Variants in PDZD2 observed in about 807,000 individuals in gnomAD.
PDZD2 encodes the protein PDZ domain containing 2.
A neutral mutation model predicts 220.7 loss-of-function variants in PDZD2; 90 were observed. That is an observed-to-expected ratio of 0.41 (90% CI 0.34 to 0.49). The LOEUF (loss-of-function observed/expected upper bound fraction) is 0.49, where lower values mean the gene tolerates loss of function less well. Among genes scored for constraint, PDZD2 ranks in the 20% least tolerant of loss-of-function variants. PDZD2 has a pLI of 0.28. For missense variants in PDZD2, 3,174 were observed against 3,608.5 expected (o/e 0.88, Z 3.08); for synonymous variants, 1,375 against 1,450.5 (o/e 0.95, Z 1.18).
At chr5:31,640,968 C>T (rs928285501) in intron 1 of PDZD2, among the ~76,000 whole-genome samples, 1 of 152,126 alleles carries the variant, frequency 6.6e-6, no homozygotes, top group African/African-American at 2.4e-5. Context: ...TAATATGCTC[C>T]TGGAAAAATA....
chr5:31,873,741 T>TTTA (rs1418539646), intron 2 of PDZD2, among the ~76,000 whole-genome samples: 1 of 149,062 alleles, frequency 6.7e-6, no homozygotes, highest in Non-Finnish European at 1.5e-5. Flanking sequence ...TCTTGAGTCT[T>TTTA]TTTTTTTTGA....
intron 2 of PDZD2, among the ~76,000 whole-genome samples, chr5:31,922,190 G>A (rs770183698): frequency 8.5e-5 from 13 of 152,150 alleles, no homozygotes; most frequent in Non-Finnish European, 1.6e-4. Context: ...CCAATGTTTC[G>A]GAAAGCTGTG....
At chr5:32,026,838 T>C (rs1009925555) in intron 6 of PDZD2, among the ~76,000 whole-genome samples, 6 of 152,232 alleles carry the variant, frequency 3.9e-5, no homozygotes, top group Non-Finnish European at 5.9e-5. Flanking sequence ...TGTACTAAGG[T>C]TGAACACATG....
At chr5:31,959,835 C>A (rs1166274721) in intron 2 of PDZD2, among the ~76,000 whole-genome samples, 1 of 152,080 alleles carries the variant, frequency 6.6e-6, no homozygotes, top group Non-Finnish European at 1.5e-5. Context: ...AGGTTGGTTC[C>A]TTATGGAGGC....
intron 1 of PDZD2, among the ~76,000 whole-genome samples, chr5:31,657,913 G>C (rs1745613153): frequency 6.6e-6 from 1 of 152,154 alleles, no homozygotes; most frequent in Non-Finnish European, 1.5e-5. Context: ...ACTCTTTCCA[G>C]CCCATACCCC....
chr5:31,978,789 T>C (rs1469695626), intron 2 of PDZD2, among the ~76,000 whole-genome samples: 1 of 151,908 alleles, frequency 6.6e-6, no homozygotes, highest in East Asian at 1.9e-4. Context: ...GCATCCGTAA[T>C]TCATTCATTG....
At chr5:31,821,430 A>G (rs10036843) in intron 2 of PDZD2, among the ~76,000 whole-genome samples, 87,768 of 151,014 alleles carry the variant, frequency 0.58, 25,782 homozygotes, top group Non-Finnish European at 0.61. Flanking sequence ...CGCAAGGCTG[A>G]AGTGCAATGG....
At chr5:31,819,831 C>A (rs1436591850) in intron 2 of PDZD2, among the ~76,000 whole-genome samples, 1 of 152,018 alleles carries the variant, frequency 6.6e-6, no homozygotes, top group African/African-American at 2.4e-5. Context: ...TAGTTTGTAT[C>A]CCCAGTGACA....
At position 32,088,769 on chromosome 5, in the gene PDZD2, A is replaced by T. The variant is rs144348519; in HGVS notation, c.5321A>T (p.Asn1774Ile). 3.1e-3 allele frequency: 5,031 copies of T among 1,613,318 alleles called. 9 individuals are homozygous for T. Among genetic ancestry groups the T allele is most frequent in the Non-Finnish European group, 4.1e-3 (4,790 of 1,179,762 alleles). The change falls in exon 20 of 25, where the codon AAC becomes ATC. Residue 1774 changes from asparagine (N) to isoleucine (I), a missense_variant. This residue lies in a region of PDZD2 where 1,861 missense variants were observed against 2,001.0 expected (regional missense o/e 0.93). Coordinates refer to ENST00000438447, the MANE Select transcript of PDZD2 (RefSeq NM_178140.4). The surrounding 1 kb of genome is among the most constrained non-coding windows in gnomAD (Gnocchi z 4.6). ...VPKNGESVLE[N>I]LHISESQDLD... ...AAGAATGGAGAATCTGTTTTGGAAA[A>T]CCTCCACATCTCTGAAAGTCAAGAC...
chr5:32,035,429 T>C (rs779531672), intron 6 of PDZD2, among the ~76,000 whole-genome samples: 2 of 152,042 alleles, frequency 1.3e-5, no homozygotes, highest in Non-Finnish European at 2.9e-5. Context: ...CCCAGCTAGT[T>C]TTTGTATTTT....
intron 1 of PDZD2, among the ~76,000 whole-genome samples, chr5:31,644,856 T>C (rs1455664806): frequency 1.3e-5 from 2 of 152,198 alleles, no homozygotes; most frequent in East Asian, 3.8e-4. Flanking sequence ...AAAGTTATTC[T>C]TGGATTATAT....
At position 32,055,445 on chromosome 5, in the gene PDZD2, C is replaced by T. The variant is rs571709661; in HGVS notation, c.1900+1562C>T. Among the ~76,000 whole-genome samples the T allele has an allele frequency of 3.6e-3, 550 of 152,276 alleles. 2 individuals carry two copies. The highest frequency in any genetic ancestry group is 6.8e-3 in the Middle Eastern group (2 of 294). Reference sequence around the variant, plus strand: ...CTCCTGGCCTCAAGTGAATGTCCCACCTCTGCCTCCCAAAGTGCTAGGATT... The same window carrying T: ...CTCCTGGCCTCAAGTGAATGTCCCATCTCTGCCTCCCAAAGTGCTAGGATT... On this transcript the variant is annotated intron_variant, in intron 10 of 24. Transcript: ENST00000438447.
At chr5:31,896,516 ACTG>A (rs1322490614) in intron 2 of PDZD2, among the ~76,000 whole-genome samples, 1 of 152,082 alleles carries the variant, frequency 6.6e-6, no homozygotes, top group African/African-American at 2.4e-5. Context: ...AGTTTAGTGA[ACTG>A]CTGCTATGTG....
chr5:32,078,888 T>C (rs545405734), intron 19 of PDZD2, among the ~76,000 whole-genome samples: 1 of 152,074 alleles, frequency 6.6e-6, no homozygotes, highest in African/African-American at 2.4e-5. Context: ...CAAAATAATA[T>C]TGTAAAACAT....
In PDZD2 at chr5:31,639,929, C is replaced by T. The variant is rs1191141634; in HGVS notation, c.-361+492C>T. ...CTTTGCCCAGATGAGACGTTAGACG[C>T]GGGGCGAGGGAATGCAGGGGGCGCG... On this transcript the variant is annotated intron_variant, in intron 1 of 24. Coordinates refer to ENST00000438447, the MANE Select transcript of PDZD2 (RefSeq NM_178140.4). The surrounding 1 kb of genome is among the most constrained non-coding windows in gnomAD (Gnocchi z 4.1). Among the ~76,000 whole-genome samples the T allele has an allele frequency of 5.9e-5, 9 of 152,076 alleles. No homozygotes were observed. The highest frequency in any genetic ancestry group is 1.5e-5 in the Non-Finnish European group (1 of 67,992).
At chr5:31,751,228 C>T (rs139595982) in intron 1 of PDZD2, among the ~76,000 whole-genome samples, 1,815 of 126,952 alleles carry the variant, frequency 0.014, 36 homozygotes, top group African/African-American at 0.047. Context: ...GTGACAAGAG[C>T]GAAAGTACAT....
chr5:32,071,485 A>G, intron 16 of PDZD2, 67 bp downstream of exon 16: 1 of 1,292,814 alleles, frequency 7.7e-7, no homozygotes, highest in South Asian at 1.2e-5. Flanking sequence ...GGAGCCCACA[A>G]GTCAAGCCGG....
intron 1 of PDZD2, among the ~76,000 whole-genome samples, chr5:31,663,070 A>G (rs926856902): frequency 1.3e-5 from 2 of 152,204 alleles, no homozygotes; most frequent in Admixed American, 6.5e-5. Flanking sequence ...GCCCCTCACT[A>G]CTAAAGATCC....
intron 1 of PDZD2, among the ~76,000 whole-genome samples, chr5:31,718,505 G>A (rs561906621): frequency 3.3e-5 from 5 of 152,176 alleles, no homozygotes; most frequent in Non-Finnish European, 7.3e-5. Context: ...CTGGAGGTTG[G>A]AAGTCCAAGA....
Sources: gnomAD v4.1 joint callset for allele counts (sites outside exome capture counted in the v4.1 genomes callset) on GRCh38, gnomAD v4.1.1 for gene constraint, gnomAD v4.1.1 regional missense constraint, Gnocchi (gnomAD v3.1) non-coding constraint, MANE v1.5 for transcripts, NCBI Gene and HGNC (gene_info 2026-07-23, HGNC 2026-07-21) for gene names.